Variants in DNAH1 observed in about 807,000 individuals in gnomAD.
The protein encoded by DNAH1 is dynein axonemal heavy chain 1.
Under a neutral mutation model 484.3 loss-of-function variants are expected in DNAH1, and 327 were observed. The observed-to-expected ratio is 0.68, with a 90% confidence interval of 0.62 to 0.74. DNAH1 has a LOEUF of 0.74. Among genes scored for constraint, DNAH1 ranks in the 30% least tolerant of loss-of-function variants. DNAH1 has a pLI of 0.00. For missense variants in DNAH1, 5,052 were observed against 5,546.8 expected (o/e 0.91, Z 2.83); for synonymous variants, 2,192 against 2,191.9 (o/e 1.00, Z 0.00).
rs1315252904 is a variant in DNAH1 at position 52,384,667 on chromosome 3, G to A, written c.8323-119G>A. ...TGAGGCTCATAGAGTGAATGTGAGA[G>A]GCATGGAGGTTCCTGCTGTGGCCCC... On this transcript the variant is annotated intron_variant, in intron 52 of 77. Coordinates refer to ENST00000420323, the MANE Select transcript of DNAH1 (RefSeq NM_015512.5). 7 of 1,016,084 alleles carry A rather than the reference G, an allele frequency of 6.9e-6. No individual in the cohort carries two copies. In the East Asian group the frequency reaches 1.3e-4, roughly 20 times the overall value. 62.9% of individuals were successfully genotyped at this position (1,016,084 alleles called of 1,614,324 possible).
At chr3:52,339,778 T>A (rs1701865527) in intron 8 of DNAH1, among the ~76,000 whole-genome samples, 1 of 151,746 alleles carries the variant, frequency 6.6e-6, no homozygotes, top group African/African-American at 2.4e-5. Flanking sequence ...GTTTGTTTGT[T>A]TTTAGAATGT....
intron 8 of DNAH1, among the ~76,000 whole-genome samples, chr3:52,335,613 T>C: frequency 6.6e-6 from 1 of 150,646 alleles, no homozygotes; most frequent in African/African-American, 2.4e-5. Context: ...CCGGCCCTTT[T>C]GCTCTTTTTC....
Position 52,388,567 on chromosome 3 carries a change from GAA to G in DNAH1, c.9322_9323del (p.Lys3108ValfsTer2), listed in dbSNP as rs1485424612. On this transcript the variant is annotated frameshift_variant, in exon 58 of 78. Coordinates refer to ENST00000420323, the MANE Select transcript of DNAH1 (RefSeq NM_015512.5). LOFTEE classifies it high-confidence loss of function. ...CITKKEELELKCEQCEQRLGR... is the reference protein window; with the variant it reads ...CITKKEELELXCEQCEQRLGR... ...TTACCAAGAAGGAGGAGCTGGAGCT[GAA>G]GTGTGAGCAGTGTGAGCAGCGGCTG... 1.2e-6 allele frequency: 2 copies of G among 1,612,934 alleles called. No individual in the cohort carries two copies. The highest frequency in any genetic ancestry group is 1.7e-6 in the Non-Finnish European group (2 of 1,179,580).
upstream of DNAH1, among the ~76,000 whole-genome samples, chr3:52,311,669 C>G (rs1007764621): frequency 1.3e-5 from 2 of 152,214 alleles, no homozygotes; most frequent in Admixed American, 1.3e-4. Context: ...CTCCACCCAG[C>G]AATTATGGCT....
At chr3:52,366,656 C>T (rs1578150751) in intron 35 of DNAH1, 77 bp from the exon 36 acceptor site, 8 of 1,556,564 alleles carry the variant, frequency 5.1e-6, no homozygotes, top group Non-Finnish European at 7.0e-6. Flanking sequence ...TAGAATACCC[C>T]TCCCCCTCCC....
At chr3:52,384,673 G>C (rs1439754154) in intron 52 of DNAH1, 113 bp from the exon 53 acceptor site, 2 of 1,086,012 alleles carry the variant, frequency 1.8e-6, no homozygotes, top group Non-Finnish European at 2.6e-6. Context: ...GAGAGGCATG[G>C]AGGTTCCTGC....
rs1447542000 is a variant in DNAH1 at position 52,355,596 on chromosome 3, T to C, written c.3693+541T>C. Reference sequence around the variant, plus strand: ...CTGGAGGGCAGTCCCGGGGCCAGCCTGCAGGTGTGATATCCCCTTCCCCGG... The same window carrying C: ...CTGGAGGGCAGTCCCGGGGCCAGCCCGCAGGTGTGATATCCCCTTCCCCGG... On this transcript the variant is annotated intron_variant, in intron 21 of 77. Coordinates refer to ENST00000420323, the MANE Select transcript of DNAH1 (RefSeq NM_015512.5). The surrounding 1 kb of genome is among the most constrained non-coding windows in gnomAD (Gnocchi z 4.5). 6.6e-6 allele frequency among the ~76,000 whole-genome samples: 1 copy of C among 152,232 alleles called. No homozygotes were observed. The highest frequency in any genetic ancestry group is 2.4e-5 in the African/African-American group (1 of 41,478).
chr3:52,313,849 C>G (rs367651646), upstream of DNAH1, among the ~76,000 whole-genome samples: 1 of 152,204 alleles, frequency 6.6e-6, no homozygotes, highest in African/African-American at 2.4e-5. Context: ...ATGACCCCAC[C>G]GTGACACTGG....
At chr3:52,359,740 G>T (rs1194366490) in intron 26 of DNAH1, among the ~76,000 whole-genome samples, 176 bp from the exon 27 acceptor site, 2 of 152,220 alleles carry the variant, frequency 1.3e-5, no homozygotes. Flanking sequence ...CCAGGCATGT[G>T]CCTCTATTCT....
intron 6 of DNAH1, among the ~76,000 whole-genome samples, chr3:52,330,843 G>A (rs543805019): frequency 6.6e-6 from 1 of 152,312 alleles, no homozygotes; most frequent in African/African-American, 2.4e-5. Context: ...TGGGGCTTTC[G>A]TGCCACCTGT....
intron 20 of DNAH1, among the ~76,000 whole-genome samples, 167 bp from the exon 21 acceptor site, chr3:52,354,676 G>A (rs1387102537): frequency 6.6e-6 from 1 of 151,870 alleles, no homozygotes; most frequent in Non-Finnish European, 1.5e-5. Context: ...GAATTCAGAT[G>A]AGGGGCTCAC....
At chr3:52,399,298 C>T (rs1375705262) in intron 76 of DNAH1, 97 bp downstream of exon 76, 2 of 1,304,700 alleles carry the variant, frequency 1.5e-6, no homozygotes, top group African/African-American at 3.0e-5. Flanking sequence ...TTGGGGGACC[C>T]CTAAGCCAGG....
chr3:52,330,234 C>T (rs1701493883), intron 6 of DNAH1, among the ~76,000 whole-genome samples: 1 of 152,210 alleles, frequency 6.6e-6, no homozygotes, highest in African/African-American at 2.4e-5. Flanking sequence ...GGCCCAGGGA[C>T]ACAGCTGTGA....
rs941364104 is a variant in DNAH1, at chr3:52,322,393, T to G, written c.-34-16T>G. 5.1e-6 allele frequency: 8 copies of G among 1,553,892 alleles called. No homozygotes were observed. The African/African-American group carries it at 8.3e-5, about 16-fold the overall frequency. On this transcript the variant is annotated splice_polypyrimidine_tract_variant and intron_variant, in intron 1 of 77. Coordinates refer to ENST00000420323, the MANE Select transcript of DNAH1 (RefSeq NM_015512.5). ...GAGGCTGGCAAGGGCTGACTGACGC[T>G]GGGTTCTTCTCCTAGGAGCTTCGGC...
rs1702989396 is a variant in DNAH1, at chr3:52,364,549, G to A, written c.5245-89G>A. The stretch of plus-strand genomic sequence containing the variant: ...TGCTATGAGCTGGTGATGAGACTTG[G>A]CCAACTGCCAGGTGGGAGGCAGAGT... On this transcript the variant is annotated intron_variant, in intron 32 of 77. Coordinates refer to ENST00000420323, the MANE Select transcript of DNAH1 (RefSeq NM_015512.5). This position sits in a 1 kb window ranked among gnomAD's most constrained non-coding sequence, Gnocchi z 4.2. 6.8e-7 allele frequency: 1 copy of A among 1,466,356 alleles called. No individual in the cohort carries two copies. The allele number at this position is 1,466,356 out of a possible 1,614,324, so 90.8% of individuals were successfully genotyped here. A position where few individuals can be genotyped will look rare whatever the true frequency, so the allele number is the denominator to read the frequency against.
chr3:52,364,973 G>T lies in DNAH1; in HGVS notation c.5472G>T (p.Glu1824Asp). ...ACACGGACTACGGCATCCTGGATGA[G>T]GCCATCCGCGAGGCCTGCAGGAACA... is the stretch of plus-strand genomic sequence containing the variant. ...EEDTDYGILD[E>D]AIREACRNSN... is the part of the protein sequence containing the mutation. Residue 1824 changes from glutamate to aspartate, a missense_variant, in exon 34 of 78, where the codon GAG becomes GAT. This residue lies in a region of DNAH1 where 2,929 missense variants were observed against 3,409.4 expected (regional missense o/e 0.86). Coordinates refer to ENST00000420323, the MANE Select transcript of DNAH1 (RefSeq NM_015512.5). This position sits in a 1 kb window ranked among gnomAD's most constrained non-coding sequence, Gnocchi z 4.2. 6.2e-7 allele frequency: 1 copy of T among 1,613,802 alleles called. No individual in the cohort carries two copies. Among genetic ancestry groups the T allele is most frequent in the Non-Finnish European group, 8.5e-7 (1 of 1,179,736 alleles).
intron 25 of DNAH1, 78 bp from the exon 26 acceptor site, chr3:52,359,168 A>G (rs1702745208): frequency 2.0e-6 from 3 of 1,522,440 alleles, no homozygotes; most frequent in East Asian, 2.5e-5. Flanking sequence ...CAGAGCACAG[A>G]CAGCATTCAG....
chr3:52,371,551 C>G (rs956267050), intron 41 of DNAH1, among the ~76,000 whole-genome samples: 4 of 152,176 alleles, frequency 2.6e-5, no homozygotes, highest in Admixed American at 6.5e-5. Context: ...ACACCAGTGC[C>G]CATGGTTCTG....
intron 16 of DNAH1, among the ~76,000 whole-genome samples, chr3:52,351,523 C>G (rs550624640): frequency 5.9e-5 from 9 of 152,190 alleles, no homozygotes; most frequent in African/African-American, 2.2e-4. Context: ...CCACAGACCC[C>G]CTATGTCAGC....
Sources: gnomAD v4.1 joint callset for allele counts (sites outside exome capture counted in the v4.1 genomes callset) on GRCh38, gnomAD v4.1.1 for gene constraint, gnomAD v4.1.1 regional missense constraint, Gnocchi (gnomAD v3.1) non-coding constraint, MANE v1.5 for transcripts, NCBI Gene and HGNC (gene_info 2026-07-23, HGNC 2026-07-21) for gene names.